The following NALF1 variants were observed in gnomAD, a reference collection of about 807,000 sequenced individuals.
The protein encoded by NALF1 is family with sequence similarity 155 member A.
A neutral mutation model predicts 48.4 loss-of-function variants in NALF1; 3 were observed. The observed-to-expected ratio is 0.06, with a 90% CI of 0.03 to 0.16. NALF1 has a LOEUF of 0.16. Among genes scored for constraint, NALF1 ranks in the 10% least tolerant of loss-of-function variants. The probability of loss-of-function intolerance (pLI) is 1.00; values close to 1 mark genes in which losing one functional copy is unlikely to be tolerated. For synonymous variants in NALF1, 262 were observed against 245.7 expected (o/e 1.07, Z -0.62); for missense variants, 526 against 571.5 (o/e 0.92, Z 0.81).
intron 1 of NALF1, among the ~76,000 whole-genome samples, chr13:107,739,358 T>A (rs1293456256): frequency 1.3e-5 from 2 of 148,326 alleles, no homozygotes; most frequent in Non-Finnish European, 3.0e-5. Flanking sequence ...TTTTCATATA[T>A]AATATATAAA....
chr13:107,454,258 A>G (rs925961370), intron 1 of NALF1, among the ~76,000 whole-genome samples: 3 of 152,208 alleles, frequency 2.0e-5, no homozygotes, highest in African/African-American at 7.2e-5. Context: ...GTCCGTTTTC[A>G]TACTACTGTA....
chr13:107,613,548 T>C (rs1406813573), intron 1 of NALF1, among the ~76,000 whole-genome samples: 1 of 152,246 alleles, frequency 6.6e-6, no homozygotes, highest in African/African-American at 2.4e-5. Flanking sequence ...AATAGCTCTG[T>C]ACTTCTAGAT....
chr13:107,713,706 A>C (rs1875668815), intron 1 of NALF1, among the ~76,000 whole-genome samples: 1 of 152,234 alleles, frequency 6.6e-6, no homozygotes, highest in South Asian at 2.1e-4. Context: ...AAAGAATGAT[A>C]AAATGGAGCT....
chr13:107,308,805 A>C (rs1274401567), intron 1 of NALF1, among the ~76,000 whole-genome samples: 1 of 152,224 alleles, frequency 6.6e-6, no homozygotes, highest in Middle Eastern at 3.2e-3. Flanking sequence ...TCGCAACATG[A>C]CTTACAATAG....
At chr13:107,301,264 G>A (rs1881831982) in intron 1 of NALF1, among the ~76,000 whole-genome samples, 1 of 152,104 alleles carries the variant, frequency 6.6e-6, no homozygotes, top group South Asian at 2.1e-4. Flanking sequence ...AGTCATTTGT[G>A]TATTCATTAA....
chr13:107,517,167 T>C (rs908426535), intron 1 of NALF1, among the ~76,000 whole-genome samples: 11 of 152,198 alleles, frequency 7.2e-5, no homozygotes, highest in African/African-American at 2.7e-4. Context: ...AAAGATTCTA[T>C]CCTATTTGGT....
intron 1 of NALF1, among the ~76,000 whole-genome samples, chr13:107,310,780 T>C (rs1175085986): frequency 1.3e-5 from 2 of 152,054 alleles, no homozygotes; most frequent in African/African-American, 2.4e-5. Flanking sequence ...CAGGTTCAAG[T>C]GATTCTCCTG....
chr13:107,402,893 A>T (rs553430149), intron 1 of NALF1, among the ~76,000 whole-genome samples: 1 of 152,166 alleles, frequency 6.6e-6, no homozygotes, highest in South Asian at 2.1e-4. Flanking sequence ...GACTTTTAGG[A>T]TTTTTCCTTA....
At chr13:107,699,673 A>G (rs1212735403) in intron 1 of NALF1, among the ~76,000 whole-genome samples, 1 of 152,166 alleles carries the variant, frequency 6.6e-6, no homozygotes, top group Non-Finnish European at 1.5e-5. Context: ...AGCAAAAGCA[A>G]TCAGACAAGA....
chr13:107,698,126 C>G (rs889344607), intron 1 of NALF1, among the ~76,000 whole-genome samples: 3 of 152,256 alleles, frequency 2.0e-5, no homozygotes, highest in Non-Finnish European at 2.9e-5. Context: ...TTACTGATAG[C>G]AATTACTTGC....
intron 1 of NALF1, among the ~76,000 whole-genome samples, chr13:107,844,245 GA>G (rs1161251464): frequency 1.4e-5 from 2 of 143,380 alleles, no homozygotes; most frequent in Non-Finnish European, 3.0e-5. Flanking sequence ...ATACAGATAA[GA>G]AAATCTAAAA....
chr13:107,593,653 G>A (rs1015692032), intron 1 of NALF1, among the ~76,000 whole-genome samples: 1 of 151,910 alleles, frequency 6.6e-6, no homozygotes, highest in Non-Finnish European at 1.5e-5. Flanking sequence ...GTCAAACGAT[G>A]TGTTTGGGGC....
At chr13:107,552,100 A>G (rs936503359) in intron 1 of NALF1, among the ~76,000 whole-genome samples, 1 of 152,148 alleles carries the variant, frequency 6.6e-6, no homozygotes, top group Non-Finnish European at 1.5e-5. Context: ...ATGCATGGGA[A>G]ATCTAAGATA....
intron 1 of NALF1, among the ~76,000 whole-genome samples, chr13:107,687,835 C>G (rs1881473454): frequency 6.6e-6 from 1 of 152,172 alleles, no homozygotes. Flanking sequence ...TCAGTAGCCA[C>G]ATGTAGCACA....
intron 1 of NALF1, among the ~76,000 whole-genome samples, chr13:107,466,887 G>C (rs1036147075): frequency 6.6e-6 from 1 of 151,888 alleles, no homozygotes; most frequent in African/African-American, 2.4e-5. Context: ...CCCTATTTTG[G>C]AGTGTGTGGT....
At chr13:107,215,838 A>C (rs957830004) in intron 1 of NALF1, among the ~76,000 whole-genome samples, 1 of 129,510 alleles carries the variant, frequency 7.7e-6, no homozygotes, top group Non-Finnish European at 1.8e-5. Flanking sequence ...CCTATGATTA[A>C]TATTTTTCCA....
At chr13:107,606,292 G>T (rs4772892) in intron 1 of NALF1, among the ~76,000 whole-genome samples, 2 of 106,118 alleles carry the variant, frequency 1.9e-5, no homozygotes, top group African/African-American at 6.6e-5. Context: ...GTGTGTGTTT[G>T]TGTGTGTATG....
At chr13:107,378,077 A>G (rs1883370069) in intron 1 of NALF1, among the ~76,000 whole-genome samples, 2 of 152,146 alleles carry the variant, frequency 1.3e-5, no homozygotes, top group Non-Finnish European at 2.9e-5. Context: ...CAGATTTTAA[A>G]CAAAGTTAGA....
intron 1 of NALF1, among the ~76,000 whole-genome samples, chr13:107,246,694 A>C (rs1307357488): frequency 1.3e-5 from 2 of 152,158 alleles, no homozygotes; most frequent in Admixed American, 1.3e-4. Context: ...AAAATATGAA[A>C]ACGAACAAGC....
Sources: gnomAD v4.1 joint callset for allele counts (sites outside exome capture counted in the v4.1 genomes callset) on GRCh38, gnomAD v4.1.1 for gene constraint, MANE v1.5 for transcripts, NCBI Gene and HGNC (gene_info 2026-07-23, HGNC 2026-07-21) for gene names.